The following VSTM4 variants were observed in gnomAD, a reference collection of about 807,000 sequenced individuals.
VSTM4 encodes V-set and transmembrane domain-containing protein 4.
In VSTM4, 20 loss-of-function variants were observed where a neutral mutation model predicts 36.4. The ratio of observed to expected loss-of-function variants is 0.55; its 90% CI spans 0.39 to 0.80. VSTM4 has a LOEUF of 0.80. VSTM4 is among the 30% of genes least tolerant of loss of function. The probability of loss-of-function intolerance (pLI) is 0.00; values close to 1 mark genes in which losing one functional copy is unlikely to be tolerated. For synonymous variants in VSTM4, 182 were observed against 173.9 expected (o/e 1.05, Z -0.37); for missense variants, 392 against 404.5 (o/e 0.97, Z 0.26).
intron 7 of VSTM4, among the ~76,000 whole-genome samples, chr10:49,031,603 A>G (rs1843347113): frequency 1.3e-5 from 2 of 152,252 alleles, no homozygotes; most frequent in African/African-American, 4.8e-5. Context: ...GTCTCAGGCC[A>G]GGGCCAAACA....
At chr10:49,064,774 G>A (rs1383971694) in intron 4 of VSTM4, 38 bp from the exon 5 acceptor site, 21 of 1,597,200 alleles carry the variant, frequency 1.3e-5, no homozygotes, top group Non-Finnish European at 1.7e-5. Context: ...GTAAACCAAT[G>A]CTACTTCAGA....
At chr10:49,102,653 G>T (rs558417185) in intron 2 of VSTM4, 17 of 985,080 alleles carry the variant, frequency 1.7e-5, no homozygotes, top group Non-Finnish European at 1.8e-5. Flanking sequence ...ATTGAAATAG[G>T]TCAAGGGAAA....
At chr10:49,023,243 C>T (rs1055485270) in intron 7 of VSTM4, among the ~76,000 whole-genome samples, 6 of 152,204 alleles carry the variant, frequency 3.9e-5, no homozygotes, top group African/African-American at 7.2e-5. Context: ...AATATCAGTC[C>T]TTGGCATCTT....
chr10:49,068,882 C>T (rs1844021961), intron 4 of VSTM4, among the ~76,000 whole-genome samples: 1 of 152,162 alleles, frequency 6.6e-6, no homozygotes, highest in African/African-American at 2.4e-5. Context: ...AAGCAACCGT[C>T]CTGCACAGAG....
intron 2 of VSTM4, among the ~76,000 whole-genome samples, chr10:49,086,867 T>C (rs1247793070): frequency 6.6e-6 from 1 of 152,214 alleles, no homozygotes; most frequent in African/African-American, 2.4e-5. Context: ...TATTTAAGTT[T>C]AATTAATTTA....
intron 2 of VSTM4, among the ~76,000 whole-genome samples, chr10:49,086,665 A>G (rs189393843): frequency 4.6e-5 from 7 of 152,346 alleles, no homozygotes; most frequent in African/African-American, 1.4e-4. Flanking sequence ...ACATCATCAT[A>G]GGTAAAGATC....
At chr10:49,071,250 A>T (rs1415844628) in intron 4 of VSTM4, among the ~76,000 whole-genome samples, 1 of 152,244 alleles carries the variant, frequency 6.6e-6, no homozygotes, top group Non-Finnish European at 1.5e-5. Flanking sequence ...AAAAGCTCAG[A>T]CACAGAAGGT....
chr10:49,019,192 T>TTGTGCCATATA lies in VSTM4; in HGVS notation c.*457_*458insTATATGGCACA, dbSNP rs1843143697. On this transcript the variant is annotated 3_prime_UTR_variant, in exon 8 of 8. Transcript: ENST00000332853. ...TGGCCCTGGCAATGCCATCTGATCC[T>TTGTGCCATATA]TGGAAAACCAACATATGTGCCATCT... 1 of 152,346 alleles carries TTGTGCCATATA rather than the reference T, an allele frequency of 6.6e-6. No homozygotes were observed. Among genetic ancestry groups the TTGTGCCATATA allele is most frequent in the South Asian group, 2.1e-4 (1 of 4,834 alleles). 9.4% of individuals were successfully genotyped at this position (152,346 alleles called of 1,614,324 possible).
intron 4 of VSTM4, among the ~76,000 whole-genome samples, chr10:49,065,960 CAAT>C (rs566673382): frequency 6.6e-6 from 1 of 151,772 alleles, no homozygotes; most frequent in Non-Finnish European, 1.5e-5. Flanking sequence ...ATAGATGCAA[CAAT>C]AATAACAACC....
intron 2 of VSTM4, among the ~76,000 whole-genome samples, chr10:49,092,661 G>A (rs1844496820): frequency 6.6e-6 from 1 of 152,158 alleles, no homozygotes; most frequent in Non-Finnish European, 1.5e-5. Context: ...GGACCTAGGT[G>A]AGGACAGGCA....
At chr10:49,115,313 C>T in intron 1 of VSTM4, 118 bp downstream of exon 1, 3 of 673,466 alleles carry the variant, frequency 4.5e-6, no homozygotes, top group Non-Finnish European at 5.5e-6. Context: ...GACAGCGCCG[C>T]CCCCCGCCCG....
intron 5 of VSTM4, among the ~76,000 whole-genome samples, chr10:49,053,258 G>A (rs1467627861): frequency 6.6e-6 from 1 of 152,190 alleles, no homozygotes; most frequent in Non-Finnish European, 1.5e-5. Context: ...TCCAACAAGG[G>A]CAGGCAGGAT....
chr10:49,016,151 C>T lies in VSTM4; in HGVS notation c.*3499G>A, dbSNP rs1301887245. ...GTTTGTTTGTTTGTTTGTTTTGCTT[C>T]CTGTTCTGGGAAGCAACTTTGATGC... On this transcript the variant is annotated 3_prime_UTR_variant, in exon 8 of 8. Transcript: ENST00000332853. 1 of 152,060 alleles carries T rather than the reference C, an allele frequency of 6.6e-6. No individual in the cohort carries two copies. Among genetic ancestry groups the T allele is most frequent in the Non-Finnish European group, 1.5e-5 (1 of 68,058 alleles). 9.4% of individuals were successfully genotyped at this position (152,060 alleles called of 1,614,324 possible). A position where few individuals can be genotyped will look rare whatever the true frequency, so the allele number is the denominator to read the frequency against.
At chr10:49,053,193 TAG>T (rs1564575017) in intron 5 of VSTM4, among the ~76,000 whole-genome samples, 10 of 152,186 alleles carry the variant, frequency 6.6e-5, no homozygotes, top group Non-Finnish European at 1.5e-5. Context: ...GCTGTTTGAT[TAG>T]AGAGAAGTGC....
chr10:49,019,630 C>G lies in VSTM4; in HGVS notation c.*20G>C, dbSNP rs202031372. The G allele has an allele frequency of 4.0e-5, 63 of 1,592,554 alleles. No individual in the cohort carries two copies. Among genetic ancestry groups the G allele is most frequent in the Non-Finnish European group, 5.0e-5 (59 of 1,168,510 alleles). ...ACTGGGTGGCAGGTATTAAATAGAACCTTGGAGGTGGACGCTGTACTACAG... is the reference window on the plus strand; with the variant it reads ...ACTGGGTGGCAGGTATTAAATAGAAGCTTGGAGGTGGACGCTGTACTACAG... On this transcript the variant is annotated 3_prime_UTR_variant, in exon 8 of 8. Coordinates refer to ENST00000332853, the MANE Select transcript of VSTM4 (RefSeq NM_001031746.5).
At chr10:49,035,669 C>CAAAAAAAAAAAAA (rs3080379) in intron 7 of VSTM4, among the ~76,000 whole-genome samples, 1 of 69,296 alleles carries the variant, frequency 1.4e-5, no homozygotes, top group Non-Finnish European at 2.4e-5. Context: ...CCCAGCTCCA[C>CAAAAAAAAAAAAA]AAAAAAAAAA....
chr10:49,080,337 G>T (rs957058630), intron 3 of VSTM4, among the ~76,000 whole-genome samples: 1 of 152,200 alleles, frequency 6.6e-6, no homozygotes, highest in Non-Finnish European at 1.5e-5. Context: ...GAGAAGAAAG[G>T]GGGCATGAAA....
At chr10:49,041,387 A>G (rs982586368) in intron 7 of VSTM4, among the ~76,000 whole-genome samples, 1 of 152,230 alleles carries the variant, frequency 6.6e-6, no homozygotes, top group Non-Finnish European at 1.5e-5. Flanking sequence ...TTAAAGAACT[A>G]TTATTGAGAA....
chr10:49,057,162 T>A (rs900115488), intron 5 of VSTM4, among the ~76,000 whole-genome samples: 1 of 151,802 alleles, frequency 6.6e-6, no homozygotes, highest in African/African-American at 2.4e-5. Context: ...CAAGACTACC[T>A]CCAACACTGG....
Sources: gnomAD v4.1 joint callset for allele counts (sites outside exome capture counted in the v4.1 genomes callset) on GRCh38, gnomAD v4.1.1 for gene constraint, MANE v1.5 for transcripts, NCBI Gene and HGNC (gene_info 2026-07-23, HGNC 2026-07-21) for gene names.